The following DHDDS variants were observed in gnomAD, a reference collection of about 807,000 sequenced individuals.
The protein encoded by DHDDS is dehydrodolichyl diphosphate synthase complex subunit DHDDS.
Under a neutral mutation model 46.2 loss-of-function variants are expected in DHDDS, and 16 were observed. The ratio of observed to expected loss-of-function variants is 0.35; its 90% CI spans 0.23 to 0.53. DHDDS has a LOEUF of 0.53. DHDDS is among the 20% of genes least tolerant of loss of function. DHDDS has a pLI of 0.94. For synonymous variants in DHDDS, 151 were observed against 163.1 expected (o/e 0.93, Z 0.56); for missense variants, 340 against 423.7 (o/e 0.80, Z 1.73).
chr1:26,446,247 A>G, intron 4 of DHDDS, 69 bp from the exon 5 acceptor site: 2 of 1,440,442 alleles, frequency 1.4e-6, no homozygotes, highest in Non-Finnish European at 1.9e-6. Flanking sequence ...GTCAGTTATT[A>G]CCTGAGCACC....
At chr1:26,450,881 A>G (rs1447984288) in intron 6 of DHDDS, among the ~76,000 whole-genome samples, 1 of 152,200 alleles carries the variant, frequency 6.6e-6, no homozygotes, top group Non-Finnish European at 1.5e-5. Context: ...TATGTTTCAA[A>G]TATTCTTGTA....
rs1173696114 is a variant in DHDDS at position 26,469,322 on chromosome 1, G to A, written c.*191G>A. On this transcript the variant is annotated 3_prime_UTR_variant, in exon 9 of 9. Coordinates refer to ENST00000236342, the MANE Select transcript of DHDDS (RefSeq NM_205861.3). ...CTGCCTGGGACAGGCTCCTGAGGAGGATTGAGGGTGAAAGTCTCCCACGAG... is the reference window on the plus strand; with the variant it reads ...CTGCCTGGGACAGGCTCCTGAGGAGAATTGAGGGTGAAAGTCTCCCACGAG... 4.8e-6 allele frequency: 5 copies of A among 1,048,900 alleles called. No homozygotes were observed. Among genetic ancestry groups the A allele is most frequent in the Non-Finnish European group, 6.9e-6 (5 of 720,988 alleles). The allele number at this position is 1,048,900 out of a possible 1,614,324, so 65.0% of individuals were successfully genotyped here. A position where few individuals can be genotyped will look rare whatever the true frequency, so the allele number is the denominator to read the frequency against.
intron 4 of DHDDS, among the ~76,000 whole-genome samples, chr1:26,444,931 G>A (rs1185273031): frequency 2.0e-5 from 3 of 152,100 alleles, no homozygotes; most frequent in African/African-American, 7.2e-5. Flanking sequence ...TGAAGCATTC[G>A]GTTTCTTCAT....
chr1:26,444,113 C>T (rs1035849934), intron 4 of DHDDS, among the ~76,000 whole-genome samples: 8 of 152,292 alleles, frequency 5.3e-5, no homozygotes, highest in African/African-American at 1.7e-4. Flanking sequence ...ACAATTCCTG[C>T]AAGATCAAAA....
intron 8 of DHDDS, chr1:26,467,336 A>G: frequency 2.1e-6 from 1 of 471,654 alleles, no homozygotes; most frequent in Middle Eastern, 3.2e-4. Context: ...AAGCCCTTCC[A>G]GCAAGACGGA....
chr1:26,446,195 G>T (rs766136058), intron 4 of DHDDS, 121 bp from the exon 5 acceptor site: 63 of 737,166 alleles, frequency 8.5e-5, no homozygotes, highest in Non-Finnish European at 1.3e-4. Context: ...AATGCATGTA[G>T]AACAGGGTCT....
In DHDDS at chr1:26,433,000, A is replaced by G; in HGVS notation, c.55A>G (p.Ile19Val). The G allele has an allele frequency of 6.2e-7, 1 of 1,614,250 alleles. No individual in the cohort carries two copies. Among genetic ancestry groups the G allele is most frequent in the Non-Finnish European group, 8.5e-7 (1 of 1,180,048 alleles). The change falls in exon 2 of 9, where the codon ATC becomes GTC. Residue 19 changes from isoleucine (I) to valine (V), a missense_variant. By Grantham distance (29) the Ile-to-Val change is conservative. Coordinates refer to ENST00000236342, the MANE Select transcript of DHDDS (RefSeq NM_205861.3). ...ACTTTGGGAGCGGTTCTGTGCCAAC[A>G]TCATAAAGGTGAGCAATGGCCCAGA... is the stretch of plus-strand genomic sequence containing the variant. ...LSLWERFCAN[I>V]IKAGPMPKHI...
chr1:26,468,119 G>A (rs1487575444), intron 8 of DHDDS, among the ~76,000 whole-genome samples: 1 of 152,138 alleles, frequency 6.6e-6, no homozygotes, highest in African/African-American at 2.4e-5. Context: ...AACTTCCAAG[G>A]GCTTATTTTC....
intron 7 of DHDDS, among the ~76,000 whole-genome samples, chr1:26,458,302 T>C (rs1010235234): frequency 1.3e-5 from 2 of 152,182 alleles, no homozygotes; most frequent in African/African-American, 4.8e-5. Flanking sequence ...GTAAACAATA[T>C]GCAAACACTC....
intron 5 of DHDDS, among the ~76,000 whole-genome samples, chr1:26,446,638 TAC>T (rs1247961807): frequency 6.6e-6 from 1 of 152,086 alleles, no homozygotes; most frequent in Non-Finnish European, 1.5e-5. Context: ...TACTGACACA[TAC>T]ACATAGTTTC....
chr1:26,462,704 T>C (rs774306138), intron 8 of DHDDS: 3 of 152,198 alleles, frequency 2.0e-5, no homozygotes, highest in Non-Finnish European at 4.4e-5. Context: ...TTTATAGTAA[T>C]TTCACGTTTC....
intron 3 of DHDDS, among the ~76,000 whole-genome samples, chr1:26,442,408 T>G (rs1025770120): frequency 1.2e-4 from 18 of 152,238 alleles, no homozygotes; most frequent in African/African-American, 3.9e-4. Flanking sequence ...TTAAATGATT[T>G]GATTCCAGTC....
intron 8 of DHDDS, chr1:26,462,875 A>C (rs1442827367): frequency 6.6e-6 from 1 of 152,248 alleles, no homozygotes; most frequent in Non-Finnish European, 1.5e-5. Context: ...TGTATTCTTG[A>C]GGAGACAGAA....
intron 7 of DHDDS, 89 bp from the exon 8 acceptor site, chr1:26,459,948 G>A: frequency 9.3e-7 from 1 of 1,075,860 alleles, no homozygotes. Flanking sequence ...TCTGGGTCCT[G>A]CTTAGCCTGC....
intron 7 of DHDDS, 107 bp downstream of exon 7, chr1:26,458,012 A>C: frequency 3.1e-6 from 3 of 962,334 alleles, no homozygotes; most frequent in African/African-American, 1.6e-5. Context: ...CTGGGGCCAG[A>C]GTACTTCTGG....
chr1:26,465,237 G>A (rs796549116), intron 8 of DHDDS, among the ~76,000 whole-genome samples: 1 of 152,208 alleles, frequency 6.6e-6, no homozygotes, highest in African/African-American at 2.4e-5. Flanking sequence ...ATGTTCCCAC[G>A]AAGCTTCCTG....
Position 26,469,007 on chromosome 1 carries a change from A to G in DHDDS, c.878A>G (p.Gln293Arg). The G allele has an allele frequency of 1.2e-6, 2 of 1,614,154 alleles. No homozygotes were observed. Among genetic ancestry groups the G allele is most frequent in the Non-Finnish European group, 1.7e-6 (2 of 1,180,042 alleles). ...REGLQASGDA[Q>R]LRRTRLHKLS... ...GGGCTCCAAGCCAGTGGGGACGCCC[A>G]GCTCCGAAGGACACGCTTGCACAAA... The change falls in exon 9 of 9, where the codon CAG becomes CGG. Residue 293 changes from glutamine (Q) to arginine (R), a missense_variant. Physicochemically the swap from Gln to Arg is conservative, Grantham distance 43. Transcript: ENST00000236342.
In DHDDS at chr1:26,447,301, CAA is replaced by C. The variant is rs1435518617; in HGVS notation, c.441-257_441-256del. Among the ~76,000 whole-genome samples the C allele has an allele frequency of 3.3e-5, 5 of 151,762 alleles. No homozygotes were observed. In the East Asian group the frequency reaches 7.7e-4, roughly 24 times the overall value. ...CGCCATTGCACTTCAGCCTGGGCGA[CAA>C]GAGCAAAACTCTGTCTCAAAAAAAA... On this transcript the variant is annotated intron_variant, in intron 5 of 8. Coordinates refer to ENST00000236342, the MANE Select transcript of DHDDS (RefSeq NM_205861.3).
At chr1:26,435,487 G>C (rs1182414432) in intron 2 of DHDDS, among the ~76,000 whole-genome samples, 1 of 143,560 alleles carries the variant, frequency 7.0e-6, no homozygotes, top group Non-Finnish European at 1.5e-5. Flanking sequence ...ACCCAGGCTG[G>C]AGTGCAGTGG....
Sources: allele counts gnomAD v4.1 joint callset (sites outside exome capture counted in the v4.1 genomes callset), GRCh38; gene constraint gnomAD v4.1.1; transcripts MANE v1.5; gene names NCBI Gene and HGNC (gene_info 2026-07-23, HGNC 2026-07-21).